PRPF18: variants seen among roughly 807,000 people sequenced by gnomAD.
The protein encoded by PRPF18 is pre-mRNA-splicing factor 18.
PRPF18 carries 38 observed loss-of-function variants against 46.5 expected under a neutral mutation model. The ratio of observed to expected loss-of-function variants is 0.82; its 90% CI spans 0.63 to 1.07. The LOEUF is 1.07. Ranked by LOEUF, PRPF18 falls within the 50% of genes least tolerant of loss-of-function variation. The pLI, the probability that PRPF18 is intolerant of heterozygous loss-of-function variation, is 0.00. For synonymous variants in PRPF18, 152 were observed against 146.7 expected (o/e 1.04, Z -0.26); for missense variants, 263 against 410.0 (o/e 0.64, Z 3.10).
downstream of PRPF18, among the ~76,000 whole-genome samples, chr10:13,635,272 C>T (rs1331735783): frequency 6.6e-6 from 1 of 152,214 alleles, no homozygotes; most frequent in African/African-American, 2.4e-5. Context: ...ATATGTACCA[C>T]ATTTTCTTTA....
At chr10:13,619,642 T>G (rs2080395477) in intron 9 of PRPF18, among the ~76,000 whole-genome samples, 2 of 152,158 alleles carry the variant, frequency 1.3e-5, no homozygotes, top group African/African-American at 4.8e-5. Context: ...CTACTCCTTA[T>G]GTAGGTGCAA....
intron 6 of PRPF18, 123 bp downstream of exon 6, chr10:13,611,806 C>T (rs2080272786): frequency 1.3e-6 from 1 of 744,370 alleles, no homozygotes; most frequent in African/African-American, 1.7e-5. Context: ...CTCACACATA[C>T]ATGATGTTTA....
the PRPF18 span, chr10:13,644,339 A>G: frequency 3.9e-5 from 6 of 152,272 alleles, no homozygotes; most frequent in Non-Finnish European, 5.9e-5. Flanking sequence ...CTTGTGTACA[A>G]TAACTACATC....
chr10:13,605,427 C>A (rs1470317148), intron 3 of PRPF18, among the ~76,000 whole-genome samples: 1 of 151,824 alleles, frequency 6.6e-6, no homozygotes, highest in Non-Finnish European at 1.5e-5. Context: ...ACTAAAAATA[C>A]AAAAGTTAGC....
chr10:13,610,789 G>A (rs1305335488), intron 5 of PRPF18, among the ~76,000 whole-genome samples: 1 of 152,152 alleles, frequency 6.6e-6, no homozygotes, highest in African/African-American at 2.4e-5. Context: ...ACTTGTCTAA[G>A]TACTGCCAAG....
At chr10:13,611,437 T>C (rs893362892) in intron 5 of PRPF18, among the ~76,000 whole-genome samples, 178 bp from the exon 6 acceptor site, 4 of 152,246 alleles carry the variant, frequency 2.6e-5, no homozygotes, top group Non-Finnish European at 5.9e-5. Context: ...TCTCCAAATT[T>C]AAGTGGCAAA....
downstream of PRPF18, chr10:13,632,415 G>T (rs2080598481): frequency 6.6e-6 from 1 of 152,122 alleles, no homozygotes; most frequent in South Asian, 2.1e-4. Flanking sequence ...ACTTTCGTAA[G>T]ATATGACAGC....
chr10:13,634,990 C>T (rs2080623834), downstream of PRPF18, among the ~76,000 whole-genome samples: 1 of 152,110 alleles, frequency 6.6e-6, no homozygotes, highest in Admixed American at 6.5e-5. Context: ...ATCATCCTAT[C>T]ACCCGGATAT....
chr10:13,652,385 A>C, the PRPF18 span: 1 of 202,594 alleles, frequency 4.9e-6, no homozygotes, highest in African/African-American at 2.3e-5. Context: ...CAAATAATAC[A>C]ATCAATCATA....
chr10:13,651,914 A>C, the PRPF18 span: 1 of 1,558,468 alleles, frequency 6.4e-7, no homozygotes, highest in Non-Finnish European at 8.9e-7. Context: ...TCTATTCATC[A>C]GTACTTTGGT....
At chr10:13,600,131 A>G in intron 2 of PRPF18, 113 bp from the exon 3 acceptor site, 5 of 801,740 alleles carry the variant, frequency 6.2e-6, no homozygotes, top group Admixed American at 5.9e-5. Flanking sequence ...GAGGAATATT[A>G]GAAAATCTTC....
chr10:13,635,413 GA>G (rs1443490079), downstream of PRPF18, among the ~76,000 whole-genome samples: 3 of 152,174 alleles, frequency 2.0e-5, no homozygotes, highest in African/African-American at 4.8e-5. Context: ...ATATACCCAG[GA>G]ATGGGATTGT....
At chr10:13,600,712 G>A (rs1382354930) in intron 3 of PRPF18, among the ~76,000 whole-genome samples, 1 of 151,472 alleles carries the variant, frequency 6.6e-6, no homozygotes, top group East Asian at 1.9e-4. Context: ...TTAAAATATG[G>A]AGATCTACAT....
chr10:13,599,839 T>G (rs114883500), intron 2 of PRPF18, among the ~76,000 whole-genome samples: 3,382 of 152,352 alleles, frequency 0.022, 120 homozygotes, highest in African/African-American at 0.074. Flanking sequence ...ATCTTCATTT[T>G]GAAGCCGAGC....
At chr10:13,614,401 A>ATGGC (rs2080311134) in intron 8 of PRPF18, among the ~76,000 whole-genome samples, 1 of 152,190 alleles carries the variant, frequency 6.6e-6, no homozygotes, top group South Asian at 2.1e-4. Flanking sequence ...AGTTTTGTAA[A>ATGGC]TGGCTGATTA....
At chr10:13,611,509 G>T in intron 5 of PRPF18, 106 bp from the exon 6 acceptor site, 1 of 837,604 alleles carries the variant, frequency 1.2e-6, no homozygotes, top group South Asian at 1.8e-5. Context: ...AGTAAAAATT[G>T]AACAGCATAT....
In PRPF18 at chr10:13,590,607, C is replaced by T. The variant is rs1393577403; in HGVS notation, c.66+3455C>T. Among the ~76,000 whole-genome samples, 24 of 139,344 alleles carry T rather than the reference C, an allele frequency of 1.7e-4. 1 individual carries two copies. The highest frequency in any genetic ancestry group is 4.5e-4 in the South Asian group (2 of 4,422). The allele number at this position is 139,344 out of a possible 152,430, so 91.4% of individuals were successfully genotyped here. ...CTGCACTGCAGCCTGGGCGACAGAG[C>T]GAGACTCCATCTCAAAAAAAAAAAA... On this transcript the variant is annotated intron_variant, in intron 1 of 9. Transcript: ENST00000378572.
chr10:13,627,149 C>A (rs527916147), intron 9 of PRPF18, among the ~76,000 whole-genome samples: 4 of 152,310 alleles, frequency 2.6e-5, no homozygotes, highest in Admixed American at 2.6e-4. Context: ...TTCACAGAGT[C>A]CAAGCCAAAG....
chr10:13,622,901 GAA>G (rs2080440475), intron 9 of PRPF18, among the ~76,000 whole-genome samples: 2 of 152,138 alleles, frequency 1.3e-5, no homozygotes, highest in African/African-American at 2.4e-5. Context: ...ATATTTGTGT[GAA>G]AAGAGTTCCC....
Sources: allele counts gnomAD v4.1 joint callset (sites outside exome capture counted in the v4.1 genomes callset), GRCh38; gene constraint gnomAD v4.1.1; transcripts MANE v1.5; gene names NCBI Gene and HGNC (gene_info 2026-07-23, HGNC 2026-07-21).